PTPRD: variants seen among roughly 807,000 people sequenced by gnomAD.
PTPRD encodes protein tyrosine phosphatase receptor type D, also known as receptor-type tyrosine-protein phosphatase delta.
In PTPRD, 34 loss-of-function variants were observed where a neutral mutation model predicts 214.5. The observed-to-expected ratio is 0.16, with a 90% CI of 0.12 to 0.21. The LOEUF is 0.21. Ranked by LOEUF, PTPRD falls within the 10% of genes least tolerant of loss-of-function variation. The pLI is 1.00. For missense variants in PTPRD, 2,545 were observed against 2,398.7 expected, an observed-to-expected ratio of 1.06 and a Z score of -1.27; for synonymous variants, 1,128 against 845.7, an observed-to-expected ratio of 1.33 and a Z score of -5.79.
At chr9:10,127,975 T>C (rs1418027458) in intron 3 of PTPRD, among the ~76,000 whole-genome samples, 1 of 152,184 alleles carries the variant, frequency 6.6e-6, no homozygotes, top group Non-Finnish European at 1.5e-5. Flanking sequence ...TTATCCATTT[T>C]ATATTATGCT....
chr9:9,501,569 G>C (rs1306681866), intron 8 of PTPRD, among the ~76,000 whole-genome samples: 1 of 151,788 alleles, frequency 6.6e-6, no homozygotes, highest in African/African-American at 2.4e-5. Context: ...TCTTGTTCTA[G>C]TTAATGTATA....
At chr9:9,186,107 A>G (rs1416249610) in intron 9 of PTPRD, among the ~76,000 whole-genome samples, 6 of 152,174 alleles carry the variant, frequency 3.9e-5, no homozygotes, top group African/African-American at 1.4e-4. Context: ...TATTTTCTGG[A>G]GATTGAGAAA....
intron 9 of PTPRD, among the ~76,000 whole-genome samples, chr9:9,274,791 T>C (rs1269474473): frequency 6.6e-6 from 1 of 150,484 alleles, no homozygotes; most frequent in Non-Finnish European, 1.5e-5. Context: ...TTAGCTATTA[T>C]TTTTATTATT....
At chr9:10,546,935 C>T (rs891753787) in intron 2 of PTPRD, among the ~76,000 whole-genome samples, 1 of 151,960 alleles carries the variant, frequency 6.6e-6, no homozygotes, top group Admixed American at 6.6e-5. Flanking sequence ...CAAGTTTGAC[C>T]AGCACTGTAC....
At chr9:8,482,407 A>G (rs750915540) in intron 30 of PTPRD, among the ~76,000 whole-genome samples, 3 of 151,940 alleles carry the variant, frequency 2.0e-5, no homozygotes, top group Non-Finnish European at 2.9e-5. Flanking sequence ...CCACCTCCCA[A>G]TAATTTTCTC....
At chr9:9,570,502 T>A (rs1205747073) in intron 8 of PTPRD, among the ~76,000 whole-genome samples, 1 of 151,612 alleles carries the variant, frequency 6.6e-6, no homozygotes, top group Non-Finnish European at 1.5e-5. Flanking sequence ...CAGGGACACA[T>A]GAAATAAATC....
chr9:8,898,638 G>C (rs762773860), intron 11 of PTPRD, among the ~76,000 whole-genome samples: 1 of 152,118 alleles, frequency 6.6e-6, no homozygotes, highest in Non-Finnish European at 1.5e-5. Context: ...CTTTAATTGA[G>C]TATCTAATCC....
chr9:10,052,622 A>AT (rs1480571560), intron 3 of PTPRD, among the ~76,000 whole-genome samples: 2 of 152,110 alleles, frequency 1.3e-5, no homozygotes, highest in Non-Finnish European at 2.9e-5. Flanking sequence ...CTCTATTTAT[A>AT]TTTTTTTACA....
At position 8,504,307 on chromosome 9, in the gene PTPRD, G is replaced by A. The variant is rs2137222286; in HGVS notation, c.1776C>T (p.Gly592=). 6.2e-7 allele frequency: 1 copy of A among 1,614,154 alleles called. No homozygotes were observed. Reference sequence around the variant, plus strand: ...ATATTTCTGCAGTAGAAGCACCCAGGCCTTGAGGGGAGCGTGCAGCCAGAC... The same window carrying A: ...ATATTTCTGCAGTAGAAGCACCCAGACCTTGAGGGGAGCGTGCAGCCAGAC... The part of the protein sequence containing the change: ...YFRLAARSPQ[G]LGASTAEISA... The change falls in exon 23 of 46, where the codon GGC becomes GGT. Residue 592 remains glycine, a synonymous_variant. Transcript: ENST00000381196.
At chr9:8,552,608 C>G (rs540107291) in intron 14 of PTPRD, among the ~76,000 whole-genome samples, 1 of 152,196 alleles carries the variant, frequency 6.6e-6, no homozygotes, top group East Asian at 1.9e-4. Context: ...CAACCAGCGA[C>G]CAGATCAGGT....
chr9:9,869,563 A>G (rs755385379), intron 5 of PTPRD, among the ~76,000 whole-genome samples: 1 of 152,120 alleles, frequency 6.6e-6, no homozygotes, highest in Admixed American at 6.6e-5. Context: ...CTGACGGGAT[A>G]TAATAGCAAG....
At chr9:9,080,388 T>C (rs970622806) in intron 10 of PTPRD, among the ~76,000 whole-genome samples, 1 of 152,124 alleles carries the variant, frequency 6.6e-6, no homozygotes, top group Admixed American at 6.6e-5. Context: ...TGTATGTGAA[T>C]ACTGATTTTA....
chr9:8,395,874 C>T (rs905060421), intron 36 of PTPRD, among the ~76,000 whole-genome samples: 1 of 152,002 alleles, frequency 6.6e-6, no homozygotes. Flanking sequence ...AGATCAGCAA[C>T]ATGAGTTGGG....
chr9:9,172,695 C>T (rs1221374597), intron 10 of PTPRD, among the ~76,000 whole-genome samples: 1 of 152,082 alleles, frequency 6.6e-6, no homozygotes, highest in African/African-American at 2.4e-5. Flanking sequence ...TTCTTGGCCC[C>T]TCTCCTCTAT....
At chr9:9,310,874 C>T (rs1349207023) in intron 9 of PTPRD, among the ~76,000 whole-genome samples, 4 of 151,170 alleles carry the variant, frequency 2.6e-5, no homozygotes, top group African/African-American at 4.9e-5. Flanking sequence ...GCCAAGATCG[C>T]GCCATTGCAC....
intron 12 of PTPRD, among the ~76,000 whole-genome samples, chr9:8,714,631 T>C (rs561344849): frequency 6.6e-6 from 1 of 152,322 alleles, no homozygotes; most frequent in Admixed American, 6.5e-5. Context: ...CTAGGGTCTT[T>C]GGACTGGCTG....
At chr9:10,543,953 A>C (rs889408950) in intron 2 of PTPRD, among the ~76,000 whole-genome samples, 1 of 152,192 alleles carries the variant, frequency 6.6e-6, no homozygotes, top group Non-Finnish European at 1.5e-5. Context: ...AGAGGAGGGC[A>C]GCAATAATAT....
intron 12 of PTPRD, among the ~76,000 whole-genome samples, chr9:8,702,168 T>A (rs1249686378): frequency 2.0e-5 from 3 of 152,098 alleles, no homozygotes; most frequent in Non-Finnish European, 2.9e-5. Flanking sequence ...TTGCTTGGAT[T>A]TTTCTGGAAT....
chr9:9,501,035 G>T (rs1329398656), intron 8 of PTPRD, among the ~76,000 whole-genome samples: 2 of 151,734 alleles, frequency 1.3e-5, no homozygotes, highest in Non-Finnish European at 2.9e-5. Context: ...GAAATAAAAT[G>T]TATTACTAAA....
Sources: gnomAD v4.1 joint callset for allele counts (sites outside exome capture counted in the v4.1 genomes callset) on GRCh38, gnomAD v4.1.1 for gene constraint, MANE v1.5 for transcripts, NCBI Gene and HGNC (gene_info 2026-07-23, HGNC 2026-07-21) for gene names.